The following DDOST variants were observed in gnomAD, a reference collection of about 807,000 sequenced individuals.
The protein encoded by DDOST is dolichyl-diphosphooligosaccharide--protein glycosyltransferase 48 kDa subunit.
DDOST carries 25 observed loss-of-function variants against 47.6 expected under a neutral mutation model. That is an observed-to-expected ratio of 0.53 (90% CI 0.38 to 0.73). The LOEUF is 0.73. Among genes scored for constraint, DDOST ranks in the 30% least tolerant of loss-of-function variants. The pLI, the probability that DDOST is intolerant of heterozygous loss-of-function variation, is 0.00. For missense variants in DDOST, 526 were observed against 573.9 expected (o/e 0.92, Z 0.85); for synonymous variants, 275 against 236.0 (o/e 1.17, Z -1.51).
At position 20,655,181 on chromosome 1, in the gene DDOST, T is replaced by G. The variant is rs12096796; in HGVS notation, c.551+259A>C. 9.6e-4 allele frequency among the ~76,000 whole-genome samples: 144 copies of G among 149,332 alleles called. 1 individual carries two copies. Among genetic ancestry groups the G allele is most frequent in the African/African-American group, 3.1e-3 (127 of 40,728 alleles). On this transcript the variant is annotated intron_variant, in intron 5 of 10. Transcript: ENST00000602624. ...GGCCAACTTTTTTTTGTTTTTTTTT[T>G]TTTTTTTTTTTTTTAAAGAGAGGAG...
intron 2 of DDOST, chr1:20,660,286 G>A (rs1469656986): frequency 6.6e-6 from 1 of 152,444 alleles, no homozygotes; most frequent in African/African-American, 2.4e-5. Context: ...GTTCAGTGGT[G>A]GAGTGGATTG....
At position 20,660,990 on chromosome 1, in the gene DDOST, G is replaced by A. The variant is rs2053428115; in HGVS notation, c.156C>T (p.Asp52=). 6.2e-7 allele frequency: 1 copy of A among 1,610,460 alleles called. No individual in the cohort carries two copies. Among genetic ancestry groups the A allele is most frequent in the Non-Finnish European group, 8.5e-7 (1 of 1,176,774 alleles). Residue 52 remains aspartate (D), a splice_region_variant and synonymous_variant, in exon 2 of 11, where the codon GAC becomes GAT. Coordinates refer to ENST00000602624, the MANE Select transcript of DDOST (RefSeq NM_005216.5). The part of the protein sequence containing the change: ...THSLFFRSLK[D]RGFELTFKTA... ...TCTTGAATGTGAGCTCAAAGCCCCG[G>A]TCTGGACAAGAAAAAACAGGTAGTT...
At chr1:20,656,080 A>C in intron 3 of DDOST, 21 bp downstream of exon 3, 1 of 1,601,850 alleles carries the variant, frequency 6.2e-7, no homozygotes. Context: ...AAAGCACCAG[A>C]ACCTCCCAGG....
In DDOST at chr1:20,652,696, G is replaced by A. The variant is rs139861731; in HGVS notation, c.1095C>T (p.Pro365=). 3.1e-5 allele frequency: 50 copies of A among 1,614,124 alleles called. No homozygotes were observed. The South Asian group carries it at 3.6e-4, about 12-fold the overall frequency. ...TAAACTGGAATACACCATACACGTC[G>A]GGCAACTTGAACTGAACACTGTATT... ...GGKYSVQFKL[P]DVYGVFQFKV... The change falls in exon 10 of 11, where the codon CCC becomes CCT. Residue 365 remains proline, a synonymous_variant. Coordinates refer to ENST00000602624, the MANE Select transcript of DDOST (RefSeq NM_005216.5).
chr1:20,655,918 C>T, intron 3 of DDOST, 139 bp from the exon 4 acceptor site: 1 of 832,270 alleles, frequency 1.2e-6, no homozygotes, highest in East Asian at 2.5e-5. Flanking sequence ...CCCAGATGGA[C>T]CCCTGGACAG....
Position 20,654,380 on chromosome 1 carries a change from A to C in DDOST, c.646-9T>G, listed in dbSNP as rs758589166. The C allele has an allele frequency of 1.9e-6, 3 of 1,557,552 alleles. No homozygotes were observed. The highest frequency in any genetic ancestry group is 2.7e-5 in the African/African-American group (2 of 73,336). On this transcript the variant is annotated splice_polypyrimidine_tract_variant and intron_variant, in intron 6 of 10. Transcript: ENST00000602624. Reference sequence around the variant, plus strand: ...CCCACCGCATGTGGATACTGGGAACAAAACGAGGCTGTGACCCAAGCAGTT... The same window carrying C: ...CCCACCGCATGTGGATACTGGGAACCAAACGAGGCTGTGACCCAAGCAGTT...
Position 20,654,641 on chromosome 1 carries a change from G to C in DDOST, c.618C>G (p.Ser206=). The C allele has an allele frequency of 6.4e-7, 1 of 1,565,018 alleles. No individual in the cohort carries two copies. Among genetic ancestry groups the C allele is most frequent in the Non-Finnish European group, 8.7e-7 (1 of 1,153,472 alleles). The change falls in exon 6 of 11, where the codon TCC becomes TCG. Residue 206 remains serine (S), a synonymous_variant. Transcript: ENST00000602624. ...GGGTGATAGGCTTGTCCGGGAAGAAGGAGTAAGAGGTGGAAGAGCCCGTCA... is the reference window on the plus strand; with the variant it reads ...GGGTGATAGGCTTGTCCGGGAAGAACGAGTAAGAGGTGGAAGAGCCCGTCA... The part of the protein sequence containing the change: ...DILTGSSTSY[S]FFPDKPITQY...
Position 20,654,238 on chromosome 1 carries a change from G to A in DDOST, c.779C>T (p.Ala260Val), listed in dbSNP as rs753619089. ...TGGCAGCTACCTCTGGGAGCCGGGC[G>A]CCGCCTTCTGCACTGCTGAGTTGAA... ...SFFNSAVQKA[A>V]PGSQRYSQTG... Residue 260 changes from alanine to valine, a missense_variant, in exon 7 of 11, where the codon GCG becomes GTG. Transcript: ENST00000602624. 2.5e-5 allele frequency: 39 copies of A among 1,550,568 alleles called. No individual in the cohort carries two copies. Among genetic ancestry groups the A allele is most frequent in the South Asian group, 7.1e-5 (6 of 84,026 alleles).
In DDOST at chr1:20,653,502, G is replaced by A. The variant is rs534659825; in HGVS notation, c.942+125C>T. 4.0e-6 allele frequency: 4 copies of A among 1,000,432 alleles called. No homozygotes were observed. The East Asian group carries it at 1.1e-4, about 26-fold the overall frequency. The allele number at this position is 1,000,432 out of a possible 1,614,324, so 62.0% of individuals were successfully genotyped here. A position where few individuals can be genotyped will look rare whatever the true frequency, so the allele number is the denominator to read the frequency against. ...CTCACCTGGCATGCTTAGGTGTAGGGATTAACTTATTCATCTTTATTTATG... is the reference window on the plus strand; with the variant it reads ...CTCACCTGGCATGCTTAGGTGTAGGAATTAACTTATTCATCTTTATTTATG... On this transcript the variant is annotated intron_variant, in intron 8 of 10. Transcript: ENST00000602624.
chr1:20,659,704 C>G (rs375109670), intron 2 of DDOST, among the ~76,000 whole-genome samples: 19 of 152,156 alleles, frequency 1.2e-4, no homozygotes, highest in African/African-American at 4.3e-4. Flanking sequence ...GGGAGTGACA[C>G]AGTAAGTAAC....
chr1:20,654,762 A>AGTTC, intron 5 of DDOST, 55 bp from the exon 6 acceptor site: 1 of 1,220,862 alleles, frequency 8.2e-7, no homozygotes, highest in Non-Finnish European at 1.2e-6. Flanking sequence ...GCCCAAGGAC[A>AGTTC]TGGGATCCCC....
rs995413656 is a variant in DDOST, at chr1:20,651,789, A to G, written c.*590T>C. The G allele has an allele frequency of 1.8e-4, 25 of 139,462 alleles. No homozygotes were observed. The highest frequency in any genetic ancestry group is 1.6e-3 in the Admixed American group (23 of 13,962). The allele number at this position is 139,462 out of a possible 1,614,324, so 8.6% of individuals were successfully genotyped here. A position where few individuals can be genotyped will look rare whatever the true frequency, so the allele number is the denominator to read the frequency against. On this transcript the variant is annotated 3_prime_UTR_variant, in exon 11 of 11. Coordinates refer to ENST00000602624, the MANE Select transcript of DDOST (RefSeq NM_005216.5). ...GGGCCAGGTGAAGTTTGAGGGCAACATCTCGCTTTATTTTTATTTATTTAT... is the reference window on the plus strand; with the variant it reads ...GGGCCAGGTGAAGTTTGAGGGCAACGTCTCGCTTTATTTTTATTTATTTAT...
At chr1:20,656,069 G>A (rs1408228902) in intron 3 of DDOST, 32 bp downstream of exon 3, 2 of 1,572,138 alleles carry the variant, frequency 1.3e-6, no homozygotes, top group Middle Eastern at 1.7e-4. Flanking sequence ...TGGAGAAGTG[G>A]AAAGCACCAG....
At chr1:20,657,545 C>T (rs374493275) in intron 2 of DDOST, among the ~76,000 whole-genome samples, 2 of 152,124 alleles carry the variant, frequency 1.3e-5, no homozygotes, top group South Asian at 2.1e-4. Context: ...GCTGATGCTT[C>T]GACAGGGGCA....
chr1:20,660,789 G>T, intron 2 of DDOST, 92 bp downstream of exon 2: 2 of 751,480 alleles, frequency 2.7e-6, no homozygotes, highest in Non-Finnish European at 4.6e-6. Context: ...AACCCATCCT[G>T]TGACCCAGGA....
At chr1:20,655,354 A>T in intron 5 of DDOST, 86 bp downstream of exon 5, 1 of 954,098 alleles carries the variant, frequency 1.0e-6, no homozygotes, top group Non-Finnish European at 1.7e-6. Flanking sequence ...TTAAAGAATT[A>T]CAATTTTGCC....
chr1:20,653,675 C>A lies in DDOST; in HGVS notation c.894G>T (p.Arg298=), dbSNP rs145327708. 6.2e-7 allele frequency: 1 copy of A among 1,613,430 alleles called. No individual in the cohort carries two copies. Among genetic ancestry groups the A allele is most frequent in the East Asian group, 2.2e-5 (1 of 44,862 alleles). ...CATTGGGTGGGGCTGTCTCGCCCAC[C>A]CGATGATGGGACACAGGCCCCACAC... The part of the protein sequence containing the change: ...VLRVGPVSHH[R]VGETAPPNAY... The change falls in exon 8 of 11, where the codon CGG becomes CGT. Residue 298 remains arginine (R), a synonymous_variant. Coordinates refer to ENST00000602624, the MANE Select transcript of DDOST (RefSeq NM_005216.5).
chr1:20,653,066 A>G, intron 8 of DDOST, 95 bp from the exon 9 acceptor site: 6 of 1,521,154 alleles, frequency 3.9e-6, no homozygotes, highest in Non-Finnish European at 5.4e-6. Context: ...CCCGACGAAC[A>G]TGGCAGGAAT....
At position 20,655,463 on chromosome 1, in the gene DDOST, A is replaced by G; in HGVS notation, c.528T>C (p.Asn176=). The G allele has an allele frequency of 2.5e-6, 4 of 1,613,756 alleles. No homozygotes were observed. Among genetic ancestry groups the G allele is most frequent in the Non-Finnish European group, 3.4e-6 (4 of 1,179,858 alleles). ...APTIVGKSSL[N]PILFRGVGMV... ...ACCCAACACCTCGAAAGAGGATGGG[A>G]TTTAGAGATGATTTCCCAACGATGG... The change falls in exon 5 of 11, where the codon AAT becomes AAC. Residue 176 remains asparagine, a synonymous_variant. Transcript: ENST00000602624.
Sources: gnomAD v4.1 joint callset for allele counts (sites outside exome capture counted in the v4.1 genomes callset) on GRCh38, gnomAD v4.1.1 for gene constraint, MANE v1.5 for transcripts, NCBI Gene and HGNC (gene_info 2026-07-23, HGNC 2026-07-21) for gene names.